Variants in SUFU observed in about 807,000 individuals in gnomAD.
SUFU encodes the protein SUFU negative regulator of hedgehog signaling.
In SUFU, 7 loss-of-function variants were observed where a neutral mutation model predicts 58.9. The ratio of observed to expected loss-of-function variants is 0.12; its 90% CI spans 0.07 to 0.22. The LOEUF is 0.22. Ranked by LOEUF, SUFU falls within the 10% of genes least tolerant of loss-of-function variation. SUFU has a pLI of 1.00. For synonymous variants in SUFU, 232 were observed against 254.8 expected (o/e 0.91, Z 0.85); for missense variants, 451 against 641.3 (o/e 0.70, Z 3.20).
chr10:102,605,738 G>C (rs1319750203), intron 8 of SUFU, among the ~76,000 whole-genome samples: 1 of 151,956 alleles, frequency 6.6e-6, no homozygotes, highest in East Asian at 1.9e-4. Flanking sequence ...TCTCTGGAAA[G>C]TTCAGAGCTT....
intron 2 of SUFU, among the ~76,000 whole-genome samples, chr10:102,545,712 G>A (rs1449952714): frequency 2.6e-5 from 4 of 152,132 alleles, no homozygotes; most frequent in African/African-American, 9.7e-5. Flanking sequence ...AGTGGCTCAC[G>A]CCTGTAATCC....
intron 10 of SUFU, chr10:102,618,977 TGTA>T: frequency 1.0e-6 from 1 of 970,350 alleles, no homozygotes; most frequent in Non-Finnish European, 1.7e-6. Flanking sequence ...TGTGTGTGTG[TGTA>T]ATGTTCAAGC....
At chr10:102,601,371 A>G (rs1028593982) in intron 8 of SUFU, among the ~76,000 whole-genome samples, 13 of 152,110 alleles carry the variant, frequency 8.5e-5, no homozygotes, top group Non-Finnish European at 1.3e-4. Flanking sequence ...TTCTGGCCCA[A>G]GGGTTCTCTG....
At chr10:102,581,262 A>C (rs568526289) in intron 3 of SUFU, among the ~76,000 whole-genome samples, 2 of 150,912 alleles carry the variant, frequency 1.3e-5, no homozygotes, top group African/African-American at 4.9e-5. Flanking sequence ...GGGCTTACAG[A>C]GAGATCCAGT....
intron 2 of SUFU, among the ~76,000 whole-genome samples, chr10:102,526,001 G>C (rs532774049): frequency 6.6e-5 from 10 of 152,312 alleles, no homozygotes; most frequent in African/African-American, 2.2e-4. Flanking sequence ...CAGCTACTCA[G>C]GAGGCTGAGG....
intron 3 of SUFU, among the ~76,000 whole-genome samples, chr10:102,558,087 A>G (rs2062999754): frequency 6.6e-6 from 1 of 151,940 alleles, no homozygotes; most frequent in Non-Finnish European, 1.5e-5. Context: ...TTTAGTAGAG[A>G]TACAGGGTTT....
chr10:102,512,688 G>C (rs78523614), intron 2 of SUFU, among the ~76,000 whole-genome samples: 1 of 152,186 alleles, frequency 6.6e-6, no homozygotes, highest in Non-Finnish European at 1.5e-5. Flanking sequence ...GTATTTTCCA[G>C]TATTACATCC....
chr10:102,537,683 A>G (rs1590004742), intron 2 of SUFU, among the ~76,000 whole-genome samples: 1 of 152,248 alleles, frequency 6.6e-6, no homozygotes, highest in East Asian at 1.9e-4. Context: ...GGCTTATTTC[A>G]CTTAGCATAA....
intron 3 of SUFU, among the ~76,000 whole-genome samples, chr10:102,566,219 T>C (rs1214177885): frequency 1.3e-5 from 2 of 152,230 alleles, no homozygotes; most frequent in African/African-American, 2.4e-5. Context: ...AGGACCAAAA[T>C]TGAACATCTC....
At chr10:102,520,376 C>T (rs1379024052) in intron 2 of SUFU, among the ~76,000 whole-genome samples, 1 of 151,734 alleles carries the variant, frequency 6.6e-6, no homozygotes, top group East Asian at 1.9e-4. Context: ...CGCCACCACG[C>T]CCGGCTAATT....
chr10:102,604,629 G>T (rs1344827792), intron 8 of SUFU, among the ~76,000 whole-genome samples: 44 of 152,156 alleles, frequency 2.9e-4, no homozygotes, highest in Non-Finnish European at 5.9e-5. Context: ...AGGCTCAAAG[G>T]TAAGAGCTAG....
chr10:102,602,326 C>T (rs1403107860), intron 8 of SUFU, among the ~76,000 whole-genome samples: 1 of 152,118 alleles, frequency 6.6e-6, no homozygotes, highest in Non-Finnish European at 1.5e-5. Flanking sequence ...CTCAGGGACC[C>T]CATGGGGGAC....
intron 2 of SUFU, among the ~76,000 whole-genome samples, chr10:102,535,265 T>A (rs2062723756): frequency 1.3e-5 from 2 of 152,012 alleles, no homozygotes; most frequent in Non-Finnish European, 2.9e-5. Flanking sequence ...GGCAGGCGGA[T>A]CATGAGGTCT....
intron 3 of SUFU, among the ~76,000 whole-genome samples, chr10:102,588,462 C>A (rs568664016): frequency 2.6e-5 from 4 of 151,822 alleles, no homozygotes; most frequent in African/African-American, 9.7e-5. Flanking sequence ...CCTCTCAATT[C>A]TATTACATTG....
At chr10:102,593,840 C>A in intron 5 of SUFU, 119 bp downstream of exon 5, 1 of 1,376,018 alleles carries the variant, frequency 7.3e-7, no homozygotes. Context: ...TTTTTCACAT[C>A]AGGGCTTCCT....
At chr10:102,530,371 ACT>A (rs1239566674) in intron 2 of SUFU, among the ~76,000 whole-genome samples, 1 of 145,294 alleles carries the variant, frequency 6.9e-6, no homozygotes, top group African/African-American at 2.6e-5. Flanking sequence ...CAGGCTCAAC[ACT>A]CTGCCTAAGT....
chr10:102,547,624 A>G (rs893405860), intron 2 of SUFU, among the ~76,000 whole-genome samples: 1 of 152,160 alleles, frequency 6.6e-6, no homozygotes, highest in Non-Finnish European at 1.5e-5. Flanking sequence ...GAGTTCAAGG[A>G]CTAGCCTAGG....
chr10:102,572,699 T>G, intron 3 of SUFU: 1 of 663,346 alleles, frequency 1.5e-6, no homozygotes, highest in Non-Finnish European at 2.8e-6. Context: ...GCCTTTTTTT[T>G]GTTGTTGTTA....
Position 102,622,888 on chromosome 10 carries a change from G to C in SUFU, c.1297-4287G>C, listed in dbSNP as rs373070234. On this transcript the variant is annotated intron_variant, in intron 10 of 11. Coordinates refer to ENST00000369902, the MANE Select transcript of SUFU (RefSeq NM_016169.4). ...TGCCTGTAATCCCAGCTACTTGAGAGACTGAGGCAGGAGAATCACTTGAAC... is the reference window on the plus strand; with the variant it reads ...TGCCTGTAATCCCAGCTACTTGAGACACTGAGGCAGGAGAATCACTTGAAC... Among the ~76,000 whole-genome samples the C allele has an allele frequency of 2.5e-4, 38 of 150,396 alleles. No individual in the cohort carries two copies. In the East Asian group the frequency reaches 7.0e-3, roughly 28 times the overall value.
Sources: gnomAD v4.1 joint callset for allele counts (sites outside exome capture counted in the v4.1 genomes callset) on GRCh38, gnomAD v4.1.1 for gene constraint, MANE v1.5 for transcripts, NCBI Gene and HGNC (gene_info 2026-07-23, HGNC 2026-07-21) for gene names.